Variants in IGDCC3 observed in about 807,000 individuals in gnomAD.
IGDCC3 encodes the protein putative neuronal cell adhesion molecule.
In IGDCC3, 47 loss-of-function variants were observed where a neutral mutation model predicts 72.0. The observed-to-expected ratio is 0.65, with a 90% CI of 0.52 to 0.83. The LOEUF (loss-of-function observed/expected upper bound fraction) is 0.83. IGDCC3 is among the 40% of genes least tolerant of loss of function. IGDCC3 has a pLI of 0.00. For missense variants in IGDCC3, 1,038 were observed against 1,091.3 expected (o/e 0.95, Z 0.69); for synonymous variants, 477 against 472.8 (o/e 1.01, Z -0.11).
At chr15:65,345,468 C>T (rs188510548) in intron 2 of IGDCC3, among the ~76,000 whole-genome samples, 5 of 152,148 alleles carry the variant, frequency 3.3e-5, no homozygotes, top group Admixed American at 2.6e-4. Flanking sequence ...GCAGAAGAAT[C>T]GCTTGAGTCC....
chr15:65,368,161 CACACA>C (rs1281568144), intron 2 of IGDCC3, among the ~76,000 whole-genome samples: 1 of 3,230 alleles, frequency 3.1e-4, no homozygotes, highest in African/African-American at 3.5e-4. Flanking sequence ...CTCTTTCACT[CACACA>C]CACACACACA....
intron 2 of IGDCC3, chr15:65,355,860 C>A: frequency 2.7e-6 from 1 of 365,690 alleles, no homozygotes; most frequent in Non-Finnish European, 5.8e-6. Context: ...CCGCCACCCC[C>A]TCCCCCAGAG....
chr15:65,368,160 TCACACA>T (rs57451250), intron 2 of IGDCC3, among the ~76,000 whole-genome samples: 4,407 of 146,176 alleles, frequency 0.03, 86 homozygotes, highest in South Asian at 0.061. Flanking sequence ...TCTCTTTCAC[TCACACA>T]CACACACACA....
At chr15:65,351,533 CA>C (rs59065889) in intron 2 of IGDCC3, among the ~76,000 whole-genome samples, 16,243 of 106,096 alleles carry the variant, frequency 0.15, 804 homozygotes, top group African/African-American at 0.24. Context: ...GACTCCGTCT[CA>C]AAAAAAAAAA....
rs765212469 is a variant in IGDCC3, at chr15:65,329,821, G to A, written c.1902C>T (p.Asn634=). ...TGACGATGCCTGTGGTGGACGTCTG[G>A]TTGGCGGCCTCCTCCTTCCGGCAGT... The part of the protein sequence containing the change: ...PCDCRKEEAA[N]QTSTTGIVIG... Residue 634 remains asparagine, a synonymous_variant, in exon 12 of 14, where the codon AAC becomes AAT. Coordinates refer to ENST00000327987, the MANE Select transcript of IGDCC3 (RefSeq NM_004884.4). This position sits in a 1 kb window ranked among gnomAD's most constrained non-coding sequence, Gnocchi z 4.1. 31 of 1,614,014 alleles carry A rather than the reference G, an allele frequency of 1.9e-5. No individual in the cohort carries two copies. The South Asian group carries it at 2.7e-4, about 14-fold the overall frequency.
Position 65,375,212 on chromosome 15 carries a change from GATC to G in IGDCC3, c.291_293del (p.Met97del). ...CTCCCGGCTCCAGCCTGAAGTGACG[GATC>G]ATCAAGGACCCATTGGCCAGCAAGG... On this transcript the variant is annotated inframe_deletion, in exon 2 of 14. Coordinates refer to ENST00000327987, the MANE Select transcript of IGDCC3 (RefSeq NM_004884.4). 1 of 1,614,236 alleles carries G rather than the reference GATC, an allele frequency of 6.2e-7. No individual in the cohort carries two copies. The highest frequency in any genetic ancestry group is 8.5e-7 in the Non-Finnish European group (1 of 1,180,042).
chr15:65,370,405 T>C (rs1354356492), intron 2 of IGDCC3, among the ~76,000 whole-genome samples: 2 of 150,446 alleles, frequency 1.3e-5, no homozygotes, highest in African/African-American at 4.9e-5. Context: ...TCCCAGCTAC[T>C]CAGGAGGTTG....
At chr15:65,361,854 G>C (rs2091263998) in intron 2 of IGDCC3, among the ~76,000 whole-genome samples, 1 of 152,172 alleles carries the variant, frequency 6.6e-6, no homozygotes, top group African/African-American at 2.4e-5. Flanking sequence ...CATCATTTTC[G>C]GAGCCTGCTG....
chr15:65,355,017 C>T (rs1401776186), intron 2 of IGDCC3, among the ~76,000 whole-genome samples: 2 of 152,334 alleles, frequency 1.3e-5, no homozygotes, highest in African/African-American at 4.8e-5. Flanking sequence ...GACACCCTGG[C>T]CTGGCAAGTT....
At position 65,328,586 on chromosome 15, in the gene IGDCC3, C is replaced by CTTT. The variant is rs76982849; in HGVS notation, c.*320_*322dup. The CTTT allele has an allele frequency of 1.3e-4, 26 of 195,706 alleles. No homozygotes were observed. The highest frequency in any genetic ancestry group is 1.9e-4 in the Admixed American group (3 of 15,656). The allele number at this position is 195,706 out of a possible 1,614,324, so 12.1% of individuals were successfully genotyped here. A position where few individuals can be genotyped will look rare whatever the true frequency, so the allele number is the denominator to read the frequency against. On this transcript the variant is annotated 3_prime_UTR_variant, in exon 14 of 14. Transcript: ENST00000327987. ...ATTCACCTTCCTCTATCTCTCTCCT[C>CTTT]TTTTTTTTTTTTTTTAAGTTTTGCT...
intron 2 of IGDCC3, among the ~76,000 whole-genome samples, chr15:65,354,983 C>T (rs968784753): frequency 1.3e-5 from 2 of 152,178 alleles, no homozygotes; most frequent in African/African-American, 4.8e-5. Flanking sequence ...TCTACTAAAG[C>T]TCTGGAAGTG....
At chr15:65,356,666 C>G in intron 2 of IGDCC3, among the ~76,000 whole-genome samples, 1 of 98,744 alleles carries the variant, frequency 1.0e-5, no homozygotes, top group Non-Finnish European at 1.8e-5. Flanking sequence ...CACCACCAAA[C>G]AAAGTGGGTT....
At chr15:65,360,769 C>A (rs947543734) in intron 2 of IGDCC3, among the ~76,000 whole-genome samples, 4 of 152,050 alleles carry the variant, frequency 2.6e-5, no homozygotes, top group African/African-American at 9.7e-5. Context: ...AGCATCTGGG[C>A]CCTTTCTTTC....
intron 2 of IGDCC3, among the ~76,000 whole-genome samples, chr15:65,350,842 T>C (rs932526090): frequency 3.3e-5 from 5 of 152,190 alleles, no homozygotes; most frequent in Non-Finnish European, 7.3e-5. Context: ...AAATCTCGAA[T>C]TTACCAAGGT....
At chr15:65,343,640 A>G (rs2091101641) in intron 2 of IGDCC3, among the ~76,000 whole-genome samples, 1 of 152,114 alleles carries the variant, frequency 6.6e-6, no homozygotes, top group Non-Finnish European at 1.5e-5. Flanking sequence ...GGTATAGTTA[A>G]AACACCTGCT....
chr15:65,358,952 A>C (rs1030112988), intron 2 of IGDCC3, among the ~76,000 whole-genome samples: 2 of 152,074 alleles, frequency 1.3e-5, no homozygotes, highest in African/African-American at 2.4e-5. Flanking sequence ...CAGCCTCCCG[A>C]GTAGCTTGTA....
At chr15:65,359,293 T>C (rs1282923243) in intron 2 of IGDCC3, among the ~76,000 whole-genome samples, 4 of 152,214 alleles carry the variant, frequency 2.6e-5, no homozygotes. Context: ...AATGCTTTGT[T>C]GTCATTATGG....
chr15:65,377,668 C>T lies in IGDCC3; in HGVS notation c.103+18G>A. Reference sequence around the variant, plus strand: ...TGGCTCCGTCCGCAACCGCCCGGTCCGGGGCGCTTTCACTCACCCTCGCTC... The same window carrying T: ...TGGCTCCGTCCGCAACCGCCCGGTCTGGGGCGCTTTCACTCACCCTCGCTC... On this transcript the variant is annotated intron_variant, in intron 1 of 13. Coordinates refer to ENST00000327987, the MANE Select transcript of IGDCC3 (RefSeq NM_004884.4). The surrounding 1 kb of genome is among the most constrained non-coding windows in gnomAD (Gnocchi z 4.9). The T allele has an allele frequency of 1.2e-5, 18 of 1,444,652 alleles. No homozygotes were observed. The highest frequency in any genetic ancestry group is 1.5e-5 in the Non-Finnish European group (17 of 1,104,666). The allele number at this position is 1,444,652 out of a possible 1,614,324, so 89.5% of individuals were successfully genotyped here.
intron 2 of IGDCC3, among the ~76,000 whole-genome samples, chr15:65,350,238 C>G (rs1435699824): frequency 7.9e-6 from 1 of 126,448 alleles, no homozygotes; most frequent in African/African-American, 2.5e-5. Context: ...TTCAGCTATT[C>G]TCCTGCTTCA....
Sources: allele counts gnomAD v4.1 joint callset (sites outside exome capture counted in the v4.1 genomes callset), GRCh38; gene constraint gnomAD v4.1.1; non-coding constraint Gnocchi (gnomAD v3.1); transcripts MANE v1.5; gene names NCBI Gene and HGNC (gene_info 2026-07-23, HGNC 2026-07-21).